Variants in RORA observed in about 807,000 individuals in gnomAD.
RORA encodes the protein nuclear receptor ROR-alpha.
Under a neutral mutation model 69.5 loss-of-function variants are expected in RORA, and 7 were observed. The ratio of observed to expected loss-of-function variants is 0.10; its 90% CI spans 0.06 to 0.19. The LOEUF is 0.19. Among genes scored for constraint, RORA ranks in the 10% least tolerant of loss-of-function variants. The probability of loss-of-function intolerance (pLI) is 1.00; values close to 1 mark genes in which losing one functional copy is unlikely to be tolerated. For synonymous variants in RORA, 261 were observed against 240.8 expected (o/e 1.08, Z -0.78); for missense variants, 457 against 663.0 (o/e 0.69, Z 3.41).
chr15:60,848,932 C>G (rs149377015), intron 1 of RORA: 9 of 152,322 alleles, frequency 5.9e-5, no homozygotes, highest in Non-Finnish European at 8.8e-5. Context: ...ATATCACAAC[C>G]AATTTTAGAC....
In RORA at chr15:60,975,130, GGA is replaced by G. The variant is rs151241598; in HGVS notation, c.166+253921_166+253922del. 6.2e-3 allele frequency among the ~76,000 whole-genome samples: 942 copies of G among 152,302 alleles called. 11 individuals carry two copies. Among genetic ancestry groups the G allele is most frequent in the African/African-American group, 0.022 (910 of 41,554 alleles). On this transcript the variant is annotated intron_variant, in intron 1 of 10. Coordinates refer to ENST00000335670, the MANE Select transcript of RORA (RefSeq NM_134261.3). ...GCACACGTCTTAAAAAGATAACTGT[GGA>G]GAGAGTCAAGGGCGGAAGGGGCCTG...
intron 2 of RORA, among the ~76,000 whole-genome samples, chr15:60,657,943 G>A (rs1440059968): frequency 6.6e-6 from 1 of 152,150 alleles, no homozygotes; most frequent in Non-Finnish European, 1.5e-5. Flanking sequence ...GGATTCCTAT[G>A]TTGTCTCTTT....
chr15:60,786,547 G>T (rs988131699), intron 1 of RORA, among the ~76,000 whole-genome samples: 1 of 152,214 alleles, frequency 6.6e-6, no homozygotes, highest in African/African-American at 2.4e-5. Flanking sequence ...ACTCTAGAGA[G>T]CTAAAGGACA....
At chr15:61,214,557 C>A (rs1567040675) in intron 1 of RORA, among the ~76,000 whole-genome samples, 1 of 152,262 alleles carries the variant, frequency 6.6e-6, no homozygotes, top group East Asian at 1.9e-4. Flanking sequence ...TTCTAGATTA[C>A]CAGATGGTGG....
rs148806246 is a variant in RORA at position 60,965,409 on chromosome 15, G to A, written c.166+263644C>T. Among the ~76,000 whole-genome samples the A allele has an allele frequency of 5.7e-3, 864 of 152,218 alleles. 8 individuals carry two copies. The highest frequency in any genetic ancestry group is 0.02 in the African/African-American group (822 of 41,534). ...GTTGTCCCAAGGCCCAGTAGTCAGG[G>A]CCCAAATCCAAATGTAGAATTAGCA... On this transcript the variant is annotated intron_variant, in intron 1 of 10. Coordinates refer to ENST00000335670, the MANE Select transcript of RORA (RefSeq NM_134261.3).
intron 1 of RORA, among the ~76,000 whole-genome samples, chr15:60,844,184 T>A (rs2073236214): frequency 1.3e-5 from 2 of 152,124 alleles, no homozygotes; most frequent in Admixed American, 6.5e-5. Context: ...CCTTCCTGAG[T>A]TGAATTCTAG....
intron 2 of RORA, among the ~76,000 whole-genome samples, chr15:60,673,040 C>T (rs1490336960): frequency 6.6e-6 from 1 of 152,150 alleles, no homozygotes; most frequent in Non-Finnish European, 1.5e-5. Context: ...TTTGTTTTCT[C>T]CCTGGTAGTG....
intron 1 of RORA, among the ~76,000 whole-genome samples, chr15:60,955,251 G>A (rs1454772882): frequency 2.0e-5 from 3 of 152,186 alleles, no homozygotes; most frequent in Non-Finnish European, 2.9e-5. Context: ...GCAGTGAGCC[G>A]AGATTGTGCC....
Position 61,061,388 on chromosome 15 carries a change from A to ATACATAC in RORA, c.166+167664_166+167665insGTATGTA, listed in dbSNP as rs1555406917. On this transcript the variant is annotated intron_variant, in intron 1 of 10. Transcript: ENST00000335670. This position sits in a 1 kb window ranked among gnomAD's most constrained non-coding sequence, Gnocchi z 4.4. Reference sequence around the variant, plus strand: ...AAATAAATAAATAAATAAATAAATAAATAAATAAATACAAGGGCATCGCAG... The same window carrying ATACATAC: ...AAATAAATAAATAAATAAATAAATAATACATACATAAATAAATACAAGGGCATCGCAG... Among the ~76,000 whole-genome samples, 97 of 122,934 alleles carry ATACATAC rather than the reference A, an allele frequency of 7.9e-4. No individual in the cohort carries two copies. The highest frequency in any genetic ancestry group is 1.4e-3 in the Non-Finnish European group (76 of 53,152). The allele number at this position is 122,934 out of a possible 152,430, so 80.6% of individuals were successfully genotyped here.
At chr15:60,863,578 G>C (rs1361594823) in intron 1 of RORA, among the ~76,000 whole-genome samples, 4 of 152,056 alleles carry the variant, frequency 2.6e-5, no homozygotes, top group Non-Finnish European at 4.4e-5. Flanking sequence ...TTTTGTTTTG[G>C]CTTTAGAAAA....
chr15:60,887,642 C>T (rs1331044486), intron 1 of RORA, among the ~76,000 whole-genome samples: 1 of 152,174 alleles, frequency 6.6e-6, no homozygotes, highest in Non-Finnish European at 1.5e-5. Context: ...GGTTATCTGG[C>T]ATTTGGACGG....
intron 1 of RORA, among the ~76,000 whole-genome samples, chr15:61,212,517 A>G (rs1431335889): frequency 1.3e-5 from 2 of 152,116 alleles, no homozygotes; most frequent in African/African-American, 4.8e-5. Flanking sequence ...CTCCTGCCTC[A>G]GCCTCCCAAG....
intron 1 of RORA, among the ~76,000 whole-genome samples, chr15:60,823,805 A>T (rs1595743951): frequency 5.5e-5 from 1 of 18,346 alleles, no homozygotes; most frequent in East Asian, 3.9e-3. Flanking sequence ...ATAAGAAATT[A>T]AAAAAAAAAA....
intron 1 of RORA, among the ~76,000 whole-genome samples, chr15:61,106,299 A>T (rs1338337772): frequency 6.6e-6 from 1 of 152,232 alleles, no homozygotes; most frequent in Non-Finnish European, 1.5e-5. Context: ...CAGACAGGAA[A>T]GAATTGCCTT....
rs1041481638 is a variant in RORA at position 61,053,358 on chromosome 15, A to G, written c.166+175695T>C. 5.3e-5 allele frequency among the ~76,000 whole-genome samples: 8 copies of G among 152,100 alleles called. No individual in the cohort carries two copies. In the East Asian group the frequency reaches 1.5e-3, roughly 29 times the overall value. On this transcript the variant is annotated intron_variant, in intron 1 of 10. Transcript: ENST00000335670. ...GGTAGCCTACTGACTCACACTGACA[A>G]AAAGGACAAAGGCCCTGGGTTGTCT...
At chr15:60,707,607 T>C (rs978410201) in intron 1 of RORA, among the ~76,000 whole-genome samples, 2 of 152,018 alleles carry the variant, frequency 1.3e-5, no homozygotes, top group South Asian at 4.1e-4. Flanking sequence ...TCGTGATCTG[T>C]CCGCCTCGGC....
chr15:60,598,964 G>C (rs2068756900), intron 2 of RORA, among the ~76,000 whole-genome samples: 5 of 152,110 alleles, frequency 3.3e-5, no homozygotes, highest in Admixed American at 3.3e-4. Flanking sequence ...CGAGAGGAAA[G>C]GACAAAAATC....
chr15:60,560,390 T>C (rs991733698), intron 2 of RORA, among the ~76,000 whole-genome samples: 9 of 152,146 alleles, frequency 5.9e-5, no homozygotes, highest in African/African-American at 1.9e-4. Context: ...GTTTTTGTTA[T>C]GCTTATGCTG....
chr15:61,184,712 T>C (rs1042487691), intron 1 of RORA, among the ~76,000 whole-genome samples: 1 of 151,720 alleles, frequency 6.6e-6, no homozygotes, highest in Non-Finnish European at 1.5e-5. Flanking sequence ...AGGCTGGGAG[T>C]GATGGCTCAA....
Sources: gnomAD v4.1 joint callset for allele counts (sites outside exome capture counted in the v4.1 genomes callset) on GRCh38, gnomAD v4.1.1 for gene constraint, Gnocchi (gnomAD v3.1) non-coding constraint, MANE v1.5 for transcripts, NCBI Gene and HGNC (gene_info 2026-07-23, HGNC 2026-07-21) for gene names.